The following CRACD variants were observed in gnomAD, a reference collection of about 807,000 sequenced individuals.
The protein encoded by CRACD is capping protein-inhibiting regulator of actin dynamics.
A neutral mutation model predicts 106.8 loss-of-function variants in CRACD; 56 were observed. The observed-to-expected ratio is 0.52, with a 90% CI of 0.42 to 0.66. The LOEUF (loss-of-function observed/expected upper bound fraction) is 0.66. Among genes scored for constraint, CRACD ranks in the 30% least tolerant of loss-of-function variants. The pLI is 0.00. For missense variants in CRACD, 1,730 were observed against 1,623.2 expected (o/e 1.07, Z -1.13); for synonymous variants, 754 against 670.8 (o/e 1.12, Z -1.92).
chr4:56,232,027 C>G lies in CRACD; in HGVS notation c.-188-40294C>G, dbSNP rs182789182. On this transcript the variant is annotated intron_variant, in intron 2 of 10. Coordinates refer to ENST00000682029, the MANE Select transcript of CRACD (RefSeq NM_001393381.1). ...GTGTTTATTGCAGTTATAATAAGTT[C>G]CAAACATGGAGAAAAATGCAAGCCA... Among the ~76,000 whole-genome samples, 309 of 152,182 alleles carry G rather than the reference C, an allele frequency of 2.0e-3. 2 individuals carry two copies. Among genetic ancestry groups the G allele is most frequent in the South Asian group, 0.016 (79 of 4,818 alleles).
At chr4:56,289,536 G>A (rs73163639) in intron 3 of CRACD, among the ~76,000 whole-genome samples, 2,512 of 152,082 alleles carry the variant, frequency 0.017, 58 homozygotes, top group African/African-American at 0.057. Flanking sequence ...AGCCAGGCAC[G>A]GTGGTGCACG....
intron 1 of CRACD, among the ~76,000 whole-genome samples, chr4:56,093,286 C>T (rs552715986): frequency 2.1e-3 from 315 of 152,256 alleles, no homozygotes; most frequent in Admixed American, 5.0e-3. Flanking sequence ...TTCCCCACTT[C>T]CTGATGCGAT....
At chr4:56,073,902 G>C (rs1300460455) in intron 1 of CRACD, among the ~76,000 whole-genome samples, 1 of 152,134 alleles carries the variant, frequency 6.6e-6, no homozygotes, top group African/African-American at 2.4e-5. Flanking sequence ...GAGGGGTCCA[G>C]TTTCAGTTTT....
intron 1 of CRACD, among the ~76,000 whole-genome samples, chr4:56,125,764 C>CTTCTTTTTTTTTTTT (rs1420481544): frequency 9.5e-5 from 7 of 73,302 alleles, no homozygotes; most frequent in Non-Finnish European, 1.0e-4. Flanking sequence ...CATTCTTCTT[C>CTTCTTTTTTTTTTTT]TTTTTTTTTT....
chr4:56,100,018 G>A (rs375936441), intron 1 of CRACD, among the ~76,000 whole-genome samples: 27 of 152,224 alleles, frequency 1.8e-4, no homozygotes, highest in East Asian at 1.2e-3. Flanking sequence ...CGAGACGGGC[G>A]GATCACGAGG....
chr4:56,070,151 C>T, intron 1 of CRACD, among the ~76,000 whole-genome samples: 1 of 152,134 alleles, frequency 6.6e-6, no homozygotes, highest in Non-Finnish European at 1.5e-5. Context: ...CATTTCTGGT[C>T]CATGCTCTTC....
intron 10 of CRACD, 82 bp from the exon 11 acceptor site, chr4:56,327,561 AG>A: frequency 8.5e-7 from 1 of 1,176,506 alleles, no homozygotes. Context: ...ATAAATACAT[AG>A]TTTATCATCT....
At chr4:56,197,383 G>A (rs996973860) in intron 2 of CRACD, among the ~76,000 whole-genome samples, 5 of 151,982 alleles carry the variant, frequency 3.3e-5, no homozygotes, top group African/African-American at 9.7e-5. Flanking sequence ...AAAATAGTAG[G>A]TTGAAAATAG....
intron 1 of CRACD, chr4:56,170,063 A>G (rs1468211911): frequency 6.5e-6 from 1 of 152,776 alleles, no homozygotes; most frequent in African/African-American, 2.4e-5. Context: ...AACAACAACA[A>G]CCACAACAAA....
chr4:56,198,344 G>C (rs1253054789), intron 2 of CRACD, among the ~76,000 whole-genome samples: 1 of 152,174 alleles, frequency 6.6e-6, no homozygotes, highest in Non-Finnish European at 1.5e-5. Flanking sequence ...GGTATCATAG[G>C]TCTTTGAAGT....
rs181243500 is a variant in CRACD at position 56,330,502 on chromosome 4, C to A, written c.*2698C>A. ...GTAAAGTAGAGACTTAATGAAAATA[C>A]CTTAGTGTGATTTTAATATAATTTG... On this transcript the variant is annotated 3_prime_UTR_variant, in exon 11 of 11. Transcript: ENST00000682029. Among the ~76,000 whole-genome samples the A allele has an allele frequency of 6.6e-6, 1 of 151,908 alleles. No homozygotes were observed. Among genetic ancestry groups the A allele is most frequent in the Admixed American group, 6.6e-5 (1 of 15,256 alleles).
At chr4:56,095,669 C>CCTCA (rs1733576915) in intron 1 of CRACD, among the ~76,000 whole-genome samples, 1 of 152,132 alleles carries the variant, frequency 6.6e-6, no homozygotes, top group Non-Finnish European at 1.5e-5. Context: ...ATGAGGTAAC[C>CCTCA]TGGTCCCTCA....
chr4:56,290,070 A>T (rs1169348175), intron 3 of CRACD, among the ~76,000 whole-genome samples: 1 of 152,188 alleles, frequency 6.6e-6, no homozygotes, highest in Admixed American at 6.5e-5. Flanking sequence ...TGCTGCTTCC[A>T]GTTTACTCGT....
Position 56,126,045 on chromosome 4 carries a change from G to T in CRACD, c.-335-53239G>T, listed in dbSNP as rs1488734123. On this transcript the variant is annotated intron_variant, in intron 1 of 10. Transcript: ENST00000682029. The stretch of plus-strand genomic sequence containing the variant: ...CCTCGGCCTCCCAAAATGCTGAGTG[G>T]CATGAGCTACTGCACCCAGCCTCTT... Among the ~76,000 whole-genome samples, 3 of 152,082 alleles carry T rather than the reference G, an allele frequency of 2.0e-5. No individual in the cohort carries two copies. The East Asian group carries it at 5.8e-4, about 29-fold the overall frequency.
intron 2 of CRACD, among the ~76,000 whole-genome samples, chr4:56,211,575 G>T (rs2109492397): frequency 6.6e-6 from 1 of 152,350 alleles, no homozygotes; most frequent in South Asian, 2.1e-4. Context: ...ATTTTATTGA[G>T]CAAGGAAACA....
At chr4:56,232,446 C>T (rs2109538357) in intron 2 of CRACD, among the ~76,000 whole-genome samples, 1 of 152,128 alleles carries the variant, frequency 6.6e-6, no homozygotes, top group Admixed American at 6.5e-5. Context: ...TGTGAATATT[C>T]TAGATGTCTT....
chr4:56,235,045 A>G (rs1193531734), intron 2 of CRACD, among the ~76,000 whole-genome samples: 3 of 152,246 alleles, frequency 2.0e-5, no homozygotes, highest in Non-Finnish European at 4.4e-5. Context: ...TTGCATTTGT[A>G]TGCATATTGC....
intron 2 of CRACD, among the ~76,000 whole-genome samples, chr4:56,232,912 A>T (rs955598330): frequency 6.6e-6 from 1 of 151,702 alleles, no homozygotes; most frequent in South Asian, 2.1e-4. Context: ...TATTTTTAGT[A>T]CAGACGGGGT....
chr4:56,252,920 C>A (rs1741135327), intron 2 of CRACD, among the ~76,000 whole-genome samples: 1 of 152,202 alleles, frequency 6.6e-6, no homozygotes, highest in Admixed American at 6.5e-5. Flanking sequence ...TCCCTGATGT[C>A]TTAGAAGTGT....
Sources: gnomAD v4.1 joint callset for allele counts (sites outside exome capture counted in the v4.1 genomes callset) on GRCh38, gnomAD v4.1.1 for gene constraint, MANE v1.5 for transcripts, NCBI Gene and HGNC (gene_info 2026-07-23, HGNC 2026-07-21) for gene names.